APOB: variants seen among roughly 807,000 people sequenced by gnomAD.
APOB encodes apolipoprotein B.
A neutral mutation model predicts 314.1 loss-of-function variants in APOB; 153 were observed. That is an observed-to-expected ratio of 0.49 (90% CI 0.43 to 0.56). The LOEUF (loss-of-function observed/expected upper bound fraction) is 0.56. APOB is among the 20% of genes least tolerant of loss of function. APOB has a pLI of 0.00. For synonymous variants in APOB, 2,087 were observed against 2,036.4 expected, an observed-to-expected ratio of 1.02 and a Z score of -0.67; for missense variants, 5,430 against 5,350.7, an observed-to-expected ratio of 1.01 and a Z score of -0.46.
rs1558576053 is a variant in APOB, at chr2:21,038,017, T to G, written c.478A>C (p.Ile160Leu). The G allele has an allele frequency of 6.2e-7, 1 of 1,614,100 alleles. No homozygotes were observed. The highest frequency in any genetic ancestry group is 8.5e-7 in the Non-Finnish European group (1 of 1,180,042). The change falls in exon 5 of 29, where the codon ATC becomes CTC. Residue 160 changes from isoleucine to leucine, a missense_variant. This residue lies in a region of APOB where 2,085 missense variants were observed against 2,079.7 expected (regional missense o/e 1.00). Transcript: ENST00000233242. ...PTYILNIKRG[I>L]ISALLVPPET... ...GGGGGAACCAGGAGGGCAGAAATGA[T>G]GCCCCTCTTGATGTTCAGGATGTAA... is the stretch of plus-strand genomic sequence containing the variant.
Position 21,013,147 on chromosome 2 carries a change from G to A in APOB, c.4216+13C>T. 6.2e-7 allele frequency: 1 copy of A among 1,613,148 alleles called. No individual in the cohort carries two copies. The highest frequency in any genetic ancestry group is 8.5e-7 in the Non-Finnish European group (1 of 1,179,902). ...AACTAGCCCGGTGCACCCTTTACCT[G>A]AGCATAGCTCACCTTGCACATTGTA... On this transcript the variant is annotated intron_variant, in intron 25 of 28. Transcript: ENST00000233242.
chr2:21,016,326 T>A (rs1663462690), intron 21 of APOB, 113 bp downstream of exon 21: 1 of 678,970 alleles, frequency 1.5e-6, no homozygotes. Flanking sequence ...TCTGCCACTC[T>A]GATTGTAGAC....
At chr2:21,015,622 A>G in intron 21 of APOB, 77 bp from the exon 22 acceptor site, 2 of 1,493,250 alleles carry the variant, frequency 1.3e-6, no homozygotes, top group Non-Finnish European at 1.8e-6. Context: ...CAGAAGTTCC[A>G]TTTGTGGTGA....
chr2:21,037,898 G>T, intron 5 of APOB, 60 bp downstream of exon 5: 1 of 1,589,544 alleles, frequency 6.3e-7, no homozygotes, highest in South Asian at 1.1e-5. Context: ...GGTAGGACTG[G>T]TCTCTAACAC....
intron 18 of APOB, among the ~76,000 whole-genome samples, chr2:21,020,610 T>C (rs1446837282): frequency 2.0e-5 from 3 of 152,230 alleles, no homozygotes; most frequent in African/African-American, 7.2e-5. Flanking sequence ...GCCTCTCACA[T>C]CTGAAGAGAT....
rs752474043 is a variant in APOB at position 21,013,237 on chromosome 2, G to C, written c.4139C>G (p.Thr1380Arg). The part of the protein sequence containing the change: ...SASYSGGNTS[T>R]DHFSLRARYH... ...ACGAGCCCGAAGGCTGAAATGGTCT[G>C]TGCTGGTGTTGCCACCACTGTAGGA... The change falls in exon 25 of 29, where the codon ACA becomes AGA. Residue 1380 changes from threonine (T) to arginine (R), a missense_variant. This residue lies in a region of APOB where 2,085 missense variants were observed against 2,079.7 expected (regional missense o/e 1.00). Transcript: ENST00000233242. The C allele has an allele frequency of 2.5e-6, 4 of 1,614,202 alleles. No homozygotes were observed. Among genetic ancestry groups the C allele is most frequent in the Non-Finnish European group, 3.4e-6 (4 of 1,180,040 alleles).
At position 21,013,196 on chromosome 2, in the gene APOB, C is replaced by A; in HGVS notation, c.4180G>T (p.Asp1394Tyr). The A allele has an allele frequency of 6.2e-7, 1 of 1,614,182 alleles. No homozygotes were observed. Among genetic ancestry groups the A allele is most frequent in the South Asian group, 1.1e-5 (1 of 91,058 alleles). ...SLRARYHMKA[D>Y]SVVDLLSYNV... is the part of the protein sequence containing the mutation. ...TAGGAAAGCAGGTCAACCACAGAGT[C>A]AGCCTTCATGTGGTAACGAGCCCGA... The change falls in exon 25 of 29, where the codon GAC becomes TAC. Residue 1394 changes from aspartate (D) to tyrosine (Y), a missense_variant. By Grantham distance (160) the Asp-to-Tyr change is radical. This residue lies in a region of APOB where 2,085 missense variants were observed against 2,079.7 expected (regional missense o/e 1.00). Transcript: ENST00000233242.
chr2:21,032,825 A>G (rs2103379901), intron 9 of APOB, among the ~76,000 whole-genome samples: 1 of 152,332 alleles, frequency 6.6e-6, no homozygotes, highest in Non-Finnish European at 1.5e-5. Context: ...GAAGACTGTT[A>G]TCACAGTCCT....
chr2:21,023,049 G>A lies in APOB; in HGVS notation c.2605-7C>T, dbSNP rs1343058250. The A allele has an allele frequency of 6.2e-7, 1 of 1,613,540 alleles. No homozygotes were observed. Among genetic ancestry groups the A allele is most frequent in the African/African-American group, 1.3e-5 (1 of 75,010 alleles). ...CCACCAGTTCAGCCTGCATCTATAA[G>A]TCAGAAAACAACCTATTCAGATTCA... On this transcript the variant is annotated splice_region_variant and splice_polypyrimidine_tract_variant and intron_variant, in intron 17 of 28. Transcript: ENST00000233242.
chr2:21,034,857 A>G lies in APOB; in HGVS notation c.863T>C (p.Leu288Pro). Residue 288 changes from leucine (L) to proline (P), a missense_variant, in exon 8 of 29, where the codon CTT becomes CCT. Leu to Pro is a moderately conservative substitution (Grantham distance 98). This residue lies in a region of APOB where 2,085 missense variants were observed against 2,079.7 expected (regional missense o/e 1.00). Transcript: ENST00000233242. ...GCTGTTGATCTTTGGTGTGTCTTCAAGTTTCAAAGTCTGTGTCACTTGTGC... is the reference window on the plus strand; with the variant it reads ...GCTGTTGATCTTTGGTGTGTCTTCAGGTTTCAAAGTCTGTGTCACTTGTGC... ...MVAQVTQTLK[L>P]EDTPKINSRF... The G allele has an allele frequency of 1.9e-6, 3 of 1,606,904 alleles. No homozygotes were observed. The highest frequency in any genetic ancestry group is 2.6e-6 in the Non-Finnish European group (3 of 1,173,418).
chr2:21,015,297 G>T, intron 22 of APOB, 37 bp from the exon 23 acceptor site: 1 of 1,612,858 alleles, frequency 6.2e-7, no homozygotes, highest in Non-Finnish European at 8.5e-7. Flanking sequence ...AATGGTACTA[G>T]TTCAGCCTGT....
At chr2:21,003,634 G>C (rs189657060) in intron 28 of APOB, among the ~76,000 whole-genome samples, 2 of 152,122 alleles carry the variant, frequency 1.3e-5, no homozygotes, top group Non-Finnish European at 2.9e-5. Flanking sequence ...GAAGAGGAGT[G>C]GGGGGAAGAG....
chr2:21,007,249 G>T lies in APOB; in HGVS notation c.9619C>A (p.His3207Asn). 3 of 1,613,230 alleles carry T rather than the reference G, an allele frequency of 1.9e-6. No homozygotes were observed. The highest frequency in any genetic ancestry group is 2.5e-6 in the Non-Finnish European group (3 of 1,179,538). Residue 3207 changes from histidine to asparagine, a missense_variant, in exon 26 of 29, where the codon CAT becomes AAT. His to Asn is a moderately conservative substitution (Grantham distance 68). This residue lies in a region of APOB where 3,281 missense variants were observed against 3,171.0 expected (regional missense o/e 1.03). Coordinates refer to ENST00000233242, the MANE Select transcript of APOB (RefSeq NM_000384.3). Reference protein sequence around the residue: ...ISQSIKSFDRHFEKNRNNALD... With the variant: ...ISQSIKSFDRNFEKNRNNALD... ...GCATTGTTTCTGTTTTTTTCAAAAT[G>T]CCTGTCAAAGGATTTGATGCTCTGA...
Position 21,032,489 on chromosome 2 carries a change from A to T in APOB, c.1217T>A (p.Leu406His), listed in dbSNP as rs1475982887. Residue 406 changes from leucine to histidine, a missense_variant, in exon 10 of 29, where the codon CTT becomes CAT. By Grantham distance (99) the Leu-to-His change is moderately conservative (BLOSUM62 -3). Transcript: ENST00000233242. The stretch of plus-strand genomic sequence containing the variant: ...CAGGTAGGTGACCACATCTATCAGA[A>T]GGGGGTTGGCATGCACACGTTTCAG... ...QWLKRVHANP[L>H]LIDVVTYLVA... is the part of the protein sequence containing the mutation. 1 of 1,614,060 alleles carries T rather than the reference A, an allele frequency of 6.2e-7. No individual in the cohort carries two copies. Among genetic ancestry groups the T allele is most frequent in the Non-Finnish European group, 8.5e-7 (1 of 1,180,034 alleles).
rs1663304518 is a variant in APOB at position 21,011,068 on chromosome 2, T to C, written c.5800A>G (p.Lys1934Glu). ...TGQLYSKFLL[K>E]AEPLAFTFSH... ...AAAGTAAATGCCAGAGGTTCTGCTT[T>C]CAACAGGAATTTGCTATACAGCTGC... The change falls in exon 26 of 29, where the codon AAA becomes GAA. Residue 1934 changes from lysine to glutamate, a missense_variant. Physicochemically the swap from Lys to Glu is moderately conservative, Grantham distance 56. This residue lies in a region of APOB where 3,281 missense variants were observed against 3,171.0 expected (regional missense o/e 1.03). Coordinates refer to ENST00000233242, the MANE Select transcript of APOB (RefSeq NM_000384.3). 6.2e-7 allele frequency: 1 copy of C among 1,614,184 alleles called. No individual in the cohort carries two copies. The highest frequency in any genetic ancestry group is 1.1e-5 in the South Asian group (1 of 91,088).
At position 21,007,592 on chromosome 2, in the gene APOB, C is replaced by A; in HGVS notation, c.9276G>T (p.Arg3092Ser). The A allele has an allele frequency of 1.2e-6, 2 of 1,614,058 alleles. No individual in the cohort carries two copies. Among genetic ancestry groups the A allele is most frequent in the South Asian group, 1.1e-5 (1 of 91,078 alleles). ...TTTGGTTGTACTTATACTGATTGAA[C>A]CTAGCACTTACTTGCCAACTTGCTT... The part of the protein sequence containing the change: ...AQQASWQVSA[R>S]FNQYKYNQNF... The change falls in exon 26 of 29, where the codon AGG becomes AGT. Residue 3092 changes from arginine to serine, a missense_variant. By Grantham distance (110) the Arg-to-Ser change is moderately radical (BLOSUM62 -1). This residue lies in a region of APOB where 3,281 missense variants were observed against 3,171.0 expected (regional missense o/e 1.03). Transcript: ENST00000233242.
rs774835409 is a variant in APOB at position 21,008,103 on chromosome 2, G to A, written c.8765C>T (p.Thr2922Ile). 1 of 1,614,096 alleles carries A rather than the reference G, an allele frequency of 6.2e-7. No individual in the cohort carries two copies. Among genetic ancestry groups the A allele is most frequent in the Non-Finnish European group, 8.5e-7 (1 of 1,179,976 alleles). ...TTTCCATGACCCTTTTCCAGAAGAA[G>A]TCCATGCTATGTGGCCAGCTTTCAA... ...TLLKAGHIAW[T>I]SSGKGSWKWA... The change falls in exon 26 of 29, where the codon ACT becomes ATT. Residue 2922 changes from threonine (T) to isoleucine (I), a missense_variant. By Grantham distance (89) the Thr-to-Ile change is moderately conservative (BLOSUM62 -1). Transcript: ENST00000233242.
At chr2:21,019,639 C>CA (rs1663549707) in intron 19 of APOB, 84 bp downstream of exon 19, 1 of 1,408,430 alleles carries the variant, frequency 7.1e-7, no homozygotes, top group African/African-American at 1.4e-5. Context: ...TCTTACAACA[C>CA]AGAGTATTTT....
chr2:21,011,652 G>C lies in APOB; in HGVS notation c.5216C>G (p.Ser1739Ter). Residue 1739 changes from serine (S) to a stop codon, truncating the protein, a stop_gained, in exon 26 of 29, where the codon TCA becomes TGA. Coordinates refer to ENST00000233242, the MANE Select transcript of APOB (RefSeq NM_000384.3). LOFTEE classifies it high-confidence loss of function. ...FKVSQEGLKL[S>*]NDMMGSYAEM... ...AGCATATGAGCCCATCATGTCATTT[G>C]AGAGCTTAAGTCCTTCTTGACTGAC... is the stretch of plus-strand genomic sequence containing the variant. The C allele has an allele frequency of 6.2e-7, 1 of 1,614,176 alleles. No individual in the cohort carries two copies. The highest frequency in any genetic ancestry group is 8.5e-7 in the Non-Finnish European group (1 of 1,180,024).
Sources: gnomAD v4.1 joint callset for allele counts (sites outside exome capture counted in the v4.1 genomes callset) on GRCh38, gnomAD v4.1.1 for gene constraint, gnomAD v4.1.1 regional missense constraint, MANE v1.5 for transcripts, NCBI Gene and HGNC (gene_info 2026-07-23, HGNC 2026-07-21) for gene names.